The following CAMK2D variants were observed in gnomAD, a reference collection of about 807,000 sequenced individuals.
The protein encoded by CAMK2D is calcium/calmodulin dependent protein kinase II delta.
CAMK2D carries 37 observed loss-of-function variants against 84.0 expected under a neutral mutation model. That is an observed-to-expected ratio of 0.44 (90% CI 0.34 to 0.58). The LOEUF (loss-of-function observed/expected upper bound fraction) is 0.58, where lower values mean the gene tolerates loss of function less well. Ranked by LOEUF, CAMK2D falls within the 20% of genes least tolerant of loss-of-function variation. The pLI is 0.02. For synonymous variants in CAMK2D, 202 were observed against 212.5 expected (o/e 0.95, Z 0.43); for missense variants, 448 against 652.5 (o/e 0.69, Z 3.41).
At chr4:113,474,921 AC>A (rs1183938239) in intron 16 of CAMK2D, among the ~76,000 whole-genome samples, 5 of 152,324 alleles carry the variant, frequency 3.3e-5, no homozygotes, top group African/African-American at 1.2e-4. Context: ...TGCTGGGATT[AC>A]AGGCGTGAGC....
Position 113,592,853 on chromosome 4 carries a change from TTTTA to T in CAMK2D, c.275+16295_275+16298del, listed in dbSNP as rs533000240. 8.5e-5 allele frequency among the ~76,000 whole-genome samples: 13 copies of T among 152,070 alleles called. No homozygotes were observed. In the East Asian group the frequency reaches 2.5e-3, roughly 30 times the overall value. On this transcript the variant is annotated intron_variant, in intron 4 of 20. Transcript: ENST00000511664. Reference sequence around the variant, plus strand: ...AACTGGATTTTTATAAAATTTGACATTTTATTTATTTATTTATTTAAGACAGAGT... The same window carrying T: ...AACTGGATTTTTATAAAATTTGACATTTTATTTATTTATTTAAGACAGAGT...
In CAMK2D at chr4:113,761,391, A is replaced by G; in HGVS notation, c.-323T>C. The stretch of plus-strand genomic sequence containing the variant: ...AATGCAGGGGGTAAAGTACTCAAGA[A>G]GAGGGGGCCGGGAAATGGAAAAACA... On this transcript the variant is annotated 5_prime_UTR_variant, in exon 1 of 21. Coordinates refer to ENST00000511664, the MANE Select transcript of CAMK2D (RefSeq NM_001321571.2). 2.4e-6 allele frequency: 3 copies of G among 1,265,360 alleles called. No individual in the cohort carries two copies. Among genetic ancestry groups the G allele is most frequent in the Non-Finnish European group, 3.0e-6 (3 of 995,048 alleles). The allele number at this position is 1,265,360 out of a possible 1,614,324, so 78.4% of individuals were successfully genotyped here.
chr4:113,739,177 G>A (rs964965005), intron 2 of CAMK2D, among the ~76,000 whole-genome samples: 3 of 152,150 alleles, frequency 2.0e-5, no homozygotes, highest in Admixed American at 6.6e-5. Flanking sequence ...AAGGCAGGGT[G>A]TTGCATTATT....
intron 2 of CAMK2D, among the ~76,000 whole-genome samples, chr4:113,684,840 T>C (rs568484076): frequency 1.1e-3 from 164 of 152,330 alleles, no homozygotes; most frequent in Non-Finnish European, 1.9e-3. Context: ...AATCCAAGTC[T>C]TGAGGTCAGT....
At chr4:113,664,891 C>G (rs1016945306) in intron 2 of CAMK2D, among the ~76,000 whole-genome samples, 2 of 151,928 alleles carry the variant, frequency 1.3e-5, no homozygotes, top group African/African-American at 4.8e-5. Context: ...GCAACCTCCA[C>G]CCCCCGGGTT....
At chr4:113,482,999 G>C (rs763711338) in intron 16 of CAMK2D, among the ~76,000 whole-genome samples, 1 of 152,162 alleles carries the variant, frequency 6.6e-6, no homozygotes, top group African/African-American at 2.4e-5. Context: ...AAAATGTTAC[G>C]CTATTCCATT....
In CAMK2D at chr4:113,462,266, ATG is replaced by A. The variant is rs143654780; in HGVS notation, c.1212-2027_1212-2026del. Among the ~76,000 whole-genome samples, 577 of 109,770 alleles carry A rather than the reference ATG, an allele frequency of 5.3e-3. 1 individual carries two copies. Among genetic ancestry groups the A allele is most frequent in the Middle Eastern group, 0.017 (4 of 230 alleles). 72.0% of individuals were successfully genotyped at this position (109,770 alleles called of 152,430 possible). Reference sequence around the variant, plus strand: ...TGAAAAAGAGTCAGTATATTTGGAAATGTGTGTGTGTGTGTGTGTGTGTGTGT... The same window carrying A: ...TGAAAAAGAGTCAGTATATTTGGAAATGTGTGTGTGTGTGTGTGTGTGTGT... On this transcript the variant is annotated intron_variant, in intron 17 of 20. Transcript: ENST00000511664.
At chr4:113,474,905 C>T (rs1208826533) in intron 16 of CAMK2D, among the ~76,000 whole-genome samples, 3 of 152,170 alleles carry the variant, frequency 2.0e-5, no homozygotes, top group Non-Finnish European at 4.4e-5. Context: ...CCTCGACCTC[C>T]CAAAGTGCTG....
At chr4:113,664,420 C>T (rs2158273) in intron 2 of CAMK2D, among the ~76,000 whole-genome samples, 16,455 of 152,154 alleles carry the variant, frequency 0.11, 2,608 homozygotes, top group African/African-American at 0.35. Flanking sequence ...GTGTCAGCCA[C>T]GGCTGGGGTC....
chr4:113,587,875 A>G (rs925201120), intron 4 of CAMK2D, among the ~76,000 whole-genome samples: 5 of 152,150 alleles, frequency 3.3e-5, no homozygotes, highest in African/African-American at 1.2e-4. Context: ...AAAAGTCTGT[A>G]TCATCAATAA....
rs913449324 is a variant in CAMK2D, at chr4:113,761,168, G to A, written c.-100C>T. 1 of 1,596,864 alleles carries A rather than the reference G, an allele frequency of 6.3e-7. No homozygotes were observed. Among genetic ancestry groups the A allele is most frequent in the African/African-American group, 1.3e-5 (1 of 74,694 alleles). Reference sequence around the variant, plus strand: ...TGGCCCCGCGGCGCTGTCACCCAGGGCCGCTCTTACTTTCCTGGTCCGAAA... The same window carrying A: ...TGGCCCCGCGGCGCTGTCACCCAGGACCGCTCTTACTTTCCTGGTCCGAAA... On this transcript the variant is annotated 5_prime_UTR_variant, in exon 1 of 21. Transcript: ENST00000511664.
At chr4:113,701,217 T>C (rs972382315) in intron 2 of CAMK2D, among the ~76,000 whole-genome samples, 1 of 152,210 alleles carries the variant, frequency 6.6e-6, no homozygotes, top group African/African-American at 2.4e-5. Flanking sequence ...TAGCTTATCA[T>C]TTCAAACGTA....
intron 3 of CAMK2D, among the ~76,000 whole-genome samples, chr4:113,641,491 A>G (rs955671355): frequency 6.6e-6 from 1 of 152,236 alleles, no homozygotes; most frequent in Non-Finnish European, 1.5e-5. Flanking sequence ...TCAGATTGAC[A>G]CTATCTAAGG....
intron 4 of CAMK2D, among the ~76,000 whole-genome samples, chr4:113,584,366 T>C (rs2098824440): frequency 6.6e-6 from 1 of 152,180 alleles, no homozygotes; most frequent in South Asian, 2.1e-4. Context: ...TTGTAGAATG[T>C]GAAGCATGGG....
At chr4:113,577,121 G>A (rs1386485608) in intron 4 of CAMK2D, among the ~76,000 whole-genome samples, 1 of 152,020 alleles carries the variant, frequency 6.6e-6, no homozygotes, top group Non-Finnish European at 1.5e-5. Flanking sequence ...TTACTTTGGG[G>A]TTTTGGTTTT....
intron 2 of CAMK2D, among the ~76,000 whole-genome samples, chr4:113,679,046 T>A (rs1252471293): frequency 6.6e-6 from 1 of 152,154 alleles, no homozygotes. Flanking sequence ...CTTTATGTAA[T>A]AGGAATAACA....
chr4:113,507,546 G>A (rs569815996), intron 13 of CAMK2D, among the ~76,000 whole-genome samples: 3 of 152,162 alleles, frequency 2.0e-5, no homozygotes, highest in Non-Finnish European at 4.4e-5. Context: ...TGGGATTACA[G>A]GTGTGAGACA....
intron 4 of CAMK2D, among the ~76,000 whole-genome samples, chr4:113,562,869 C>A (rs1394734098): frequency 6.6e-6 from 1 of 152,100 alleles, no homozygotes; most frequent in Non-Finnish European, 1.5e-5. Context: ...TTAATGAATG[C>A]CTGCAAAATT....
At chr4:113,511,278 T>C (rs1036484408) in intron 12 of CAMK2D, among the ~76,000 whole-genome samples, 9 of 152,198 alleles carry the variant, frequency 5.9e-5, no homozygotes, top group African/African-American at 1.7e-4. Flanking sequence ...GGGTCTAATA[T>C]TCTTCAGTTG....
Sources: allele counts gnomAD v4.1 joint callset (sites outside exome capture counted in the v4.1 genomes callset), GRCh38; gene constraint gnomAD v4.1.1; transcripts MANE v1.5; gene names NCBI Gene and HGNC (gene_info 2026-07-23, HGNC 2026-07-21).